Variants in TMEM132D observed in about 807,000 individuals in gnomAD.
The protein encoded by TMEM132D is transmembrane protein 132D.
A neutral mutation model predicts 62.3 loss-of-function variants in TMEM132D; 21 were observed. The observed-to-expected ratio is 0.34, with a 90% CI of 0.24 to 0.49. The LOEUF (loss-of-function observed/expected upper bound fraction) is 0.49, where lower values mean the gene tolerates loss of function less well. TMEM132D is among the 20% of genes least tolerant of loss of function. The pLI is 0.99. For missense variants in TMEM132D, 1,346 were observed against 1,402.8 expected, an observed-to-expected ratio of 0.96 and a Z score of 0.65; for synonymous variants, 621 against 575.6, an observed-to-expected ratio of 1.08 and a Z score of -1.13.
intron 2 of TMEM132D, among the ~76,000 whole-genome samples, chr12:129,596,600 C>T (rs1168890543): frequency 2.0e-5 from 3 of 151,998 alleles, no homozygotes; most frequent in African/African-American, 7.2e-5. Flanking sequence ...TACTTTAAAT[C>T]ATGTCTAGAT....
chr12:129,420,306 GTTT>G (rs71082709), intron 3 of TMEM132D, among the ~76,000 whole-genome samples: 28 of 112,298 alleles, frequency 2.5e-4, no homozygotes, highest in Non-Finnish European at 3.5e-4. Context: ...CACGTTCTCT[GTTT>G]TTTTTTTTTT....
At chr12:129,763,175 T>G (rs1215253552) in intron 1 of TMEM132D, among the ~76,000 whole-genome samples, 1 of 152,200 alleles carries the variant, frequency 6.6e-6, no homozygotes, top group Non-Finnish European at 1.5e-5. Flanking sequence ...CCTCCTGGGC[T>G]CAGCTGATCC....
chr12:129,349,522 T>C (rs1869798326), intron 3 of TMEM132D, among the ~76,000 whole-genome samples: 3 of 152,200 alleles, frequency 2.0e-5, no homozygotes, highest in African/African-American at 7.2e-5. Context: ...TCAATTAATG[T>C]CTTACCTTTT....
intron 2 of TMEM132D, among the ~76,000 whole-genome samples, chr12:129,540,717 C>A (rs1349644020): frequency 1.3e-5 from 2 of 152,114 alleles, no homozygotes; most frequent in Non-Finnish European, 1.5e-5. Flanking sequence ...GAACTCCTGG[C>A]CTCAAGTGAT....
chr12:129,633,885 T>A (rs952691847), intron 2 of TMEM132D, among the ~76,000 whole-genome samples: 3 of 152,132 alleles, frequency 2.0e-5, no homozygotes, highest in Non-Finnish European at 4.4e-5. Flanking sequence ...TTCATTCCAA[T>A]GCAGTTAAGC....
At chr12:129,431,558 G>A (rs761736061) in intron 3 of TMEM132D, among the ~76,000 whole-genome samples, 12 of 152,088 alleles carry the variant, frequency 7.9e-5, no homozygotes, top group Non-Finnish European at 1.5e-4. Flanking sequence ...TCACACCAGC[G>A]TTATCACTCC....
chr12:129,306,550 G>T (rs186834323), intron 4 of TMEM132D, among the ~76,000 whole-genome samples: 2 of 152,134 alleles, frequency 1.3e-5, no homozygotes, highest in African/African-American at 4.8e-5. Flanking sequence ...TGTGGCTTGG[G>T]AAACTAGGAA....
chr12:129,572,589 C>G (rs374527918), intron 2 of TMEM132D, among the ~76,000 whole-genome samples: 1 of 152,148 alleles, frequency 6.6e-6, no homozygotes, highest in Non-Finnish European at 1.5e-5. Context: ...GCTGGGATTA[C>G]TAGGCATGCG....
chr12:129,797,595 T>G (rs1871605527), intron 1 of TMEM132D, among the ~76,000 whole-genome samples: 1 of 152,154 alleles, frequency 6.6e-6, no homozygotes, highest in African/African-American at 2.4e-5. Flanking sequence ...GTGACTTACA[T>G]GAGAGACCCT....
chr12:129,743,747 G>C (rs912862412), intron 1 of TMEM132D, among the ~76,000 whole-genome samples: 5 of 152,066 alleles, frequency 3.3e-5, no homozygotes, highest in Non-Finnish European at 7.3e-5. Context: ...GAATTATCAG[G>C]GTAGGCTCAA....
At chr12:129,593,811 G>A (rs565230303) in intron 2 of TMEM132D, among the ~76,000 whole-genome samples, 19 of 151,216 alleles carry the variant, frequency 1.3e-4, no homozygotes, top group Admixed American at 6.6e-4. Flanking sequence ...CAAACGTCAC[G>A]GGGAACTTAC....
intron 2 of TMEM132D, among the ~76,000 whole-genome samples, chr12:129,678,792 A>G (rs1593116970): frequency 6.6e-6 from 1 of 152,200 alleles, no homozygotes; most frequent in African/African-American, 2.4e-5. Context: ...TACGACATCA[A>G]TGCCTATAAA....
chr12:129,486,491 TC>T (rs1309665460), intron 3 of TMEM132D, among the ~76,000 whole-genome samples: 2 of 152,032 alleles, frequency 1.3e-5, no homozygotes, highest in Non-Finnish European at 2.9e-5. Context: ...GATACTATGA[TC>T]CCCATATAAA....
chr12:129,077,895 CAT>C (rs923571511), intron 8 of TMEM132D, among the ~76,000 whole-genome samples: 33 of 152,014 alleles, frequency 2.2e-4, no homozygotes, highest in South Asian at 1.7e-3. Flanking sequence ...ACAAAAACAA[CAT>C]ATATGTACAC....
chr12:129,337,316 TATC>T (rs1869313728), intron 4 of TMEM132D, among the ~76,000 whole-genome samples: 1 of 152,142 alleles, frequency 6.6e-6, no homozygotes, highest in Non-Finnish European at 1.5e-5. Flanking sequence ...CAAACACATC[TATC>T]GAGTCGTCAA....
chr12:129,460,627 G>C (rs761523923), intron 3 of TMEM132D, among the ~76,000 whole-genome samples: 1 of 152,174 alleles, frequency 6.6e-6, no homozygotes, highest in Non-Finnish European at 1.5e-5. Context: ...TGGGCATCCA[G>C]TTAGCGCTCA....
intron 1 of TMEM132D, among the ~76,000 whole-genome samples, chr12:129,800,004 G>A (rs373244451): frequency 3.0e-4 from 46 of 152,256 alleles, no homozygotes; most frequent in East Asian, 2.5e-3. Context: ...AGGCACGTGC[G>A]TACAGTCATT....
intron 2 of TMEM132D, among the ~76,000 whole-genome samples, chr12:129,558,178 C>T (rs11060435): frequency 0.12 from 18,432 of 152,052 alleles, 1,440 homozygotes; most frequent in East Asian, 0.42. Context: ...CATCTTAGGA[C>T]GGATGTTGCC....
At chr12:129,420,298 C>T (rs567237243) in intron 3 of TMEM132D, among the ~76,000 whole-genome samples, 126 of 113,346 alleles carry the variant, frequency 1.1e-3, no homozygotes, top group African/African-American at 4.4e-3. Flanking sequence ...AATTATTGCA[C>T]GTTCTCTGTT....
Sources: gnomAD v4.1 joint callset for allele counts (sites outside exome capture counted in the v4.1 genomes callset) on GRCh38, gnomAD v4.1.1 for gene constraint, MANE v1.5 for transcripts, NCBI Gene and HGNC (gene_info 2026-07-23, HGNC 2026-07-21) for gene names.